The following NCK2 variants were observed in gnomAD, a reference collection of about 807,000 sequenced individuals.
The protein encoded by NCK2 is cytoplasmic protein NCK2.
NCK2 carries 16 observed loss-of-function variants against 33.9 expected under a neutral mutation model. That is an observed-to-expected ratio of 0.47 (90% CI 0.32 to 0.72). NCK2 has a LOEUF of 0.72. Among genes scored for constraint, NCK2 ranks in the 30% least tolerant of loss-of-function variants. The pLI is 0.03. For synonymous variants in NCK2, 273 were observed against 239.9 expected, an observed-to-expected ratio of 1.14 and a Z score of -1.27; for missense variants, 418 against 537.3, an observed-to-expected ratio of 0.78 and a Z score of 2.19.
chr2:105,774,921 C>G (rs1260591073), intron 1 of NCK2, among the ~76,000 whole-genome samples: 1 of 150,374 alleles, frequency 6.7e-6, no homozygotes, highest in East Asian at 1.9e-4. Flanking sequence ...AGTCCAGGCA[C>G]CGGTGGCTTA....
chr2:105,888,163 T>C (rs1298736425), intron 4 of NCK2, among the ~76,000 whole-genome samples: 1 of 152,154 alleles, frequency 6.6e-6, no homozygotes, highest in Admixed American at 6.5e-5. Context: ...CTATTAATTG[T>C]CCTTAGATTC....
At chr2:105,791,837 A>T (rs1462442105) in intron 1 of NCK2, among the ~76,000 whole-genome samples, 1 of 152,204 alleles carries the variant, frequency 6.6e-6, no homozygotes, top group East Asian at 1.9e-4. Context: ...TCTGTTGTAT[A>T]TTTAACACCC....
At chr2:105,820,365 G>A (rs1208462752) in intron 2 of NCK2, among the ~76,000 whole-genome samples, 2 of 152,218 alleles carry the variant, frequency 1.3e-5, no homozygotes, top group Non-Finnish European at 2.9e-5. Context: ...AACAGTAAGC[G>A]GGATGTCAGC....
chr2:105,830,717 T>TCTGTGTGTGTG (rs1352679713), intron 2 of NCK2, among the ~76,000 whole-genome samples: 2 of 97,706 alleles, frequency 2.0e-5, no homozygotes, highest in African/African-American at 6.3e-5. Flanking sequence ...GTGTGTGTGT[T>TCTGTGTGTGTG]TGGTCTGATA....
chr2:105,754,284 G>A (rs1001731313), intron 1 of NCK2, among the ~76,000 whole-genome samples: 3 of 152,338 alleles, frequency 2.0e-5, no homozygotes, highest in East Asian at 3.9e-4. Flanking sequence ...CCCAGCAATG[G>A]TGGGGGCAGC....
At position 105,867,249 on chromosome 2, in the gene NCK2, T is replaced by C. The variant is rs143369924; in HGVS notation, c.226+11960T>C. On this transcript the variant is annotated intron_variant, in intron 3 of 4. Transcript: ENST00000233154. Reference sequence around the variant, plus strand: ...TGTGGGTTTTCAGAGATGCATTTAATACTTCACGTTTACTTTTCATGTCTC... The same window carrying C: ...TGTGGGTTTTCAGAGATGCATTTAACACTTCACGTTTACTTTTCATGTCTC... 4.3e-3 allele frequency among the ~76,000 whole-genome samples: 648 copies of C among 152,360 alleles called. 2 individuals carry two copies. Among genetic ancestry groups the C allele is most frequent in the African/African-American group, 0.014 (589 of 41,590 alleles).
chr2:105,860,553 G>T (rs1483225827), intron 3 of NCK2, among the ~76,000 whole-genome samples: 1 of 152,150 alleles, frequency 6.6e-6, no homozygotes, highest in Admixed American at 6.5e-5. Flanking sequence ...GAGCGAGCAT[G>T]TAGTCAGAAC....
intron 3 of NCK2, among the ~76,000 whole-genome samples, chr2:105,859,572 T>C: frequency 6.6e-6 from 1 of 152,250 alleles, no homozygotes; most frequent in East Asian, 1.9e-4. Context: ...GGCTCCCTAA[T>C]GCTAACTGTG....
At chr2:105,883,342 C>T (rs995103186) in intron 4 of NCK2, among the ~76,000 whole-genome samples, 2 of 152,312 alleles carry the variant, frequency 1.3e-5, no homozygotes, top group African/African-American at 4.8e-5. Context: ...CTCAATCGAG[C>T]AGAAACTTAG....
Position 105,808,948 on chromosome 2 carries a change from C to T in NCK2, c.-200-7482C>T, listed in dbSNP as rs114313073. On this transcript the variant is annotated intron_variant, in intron 1 of 4. Transcript: ENST00000233154. ...TCTTGTGAGGGCTGGGGTGTGACTG[C>T]ATGTACAATTGTTGAGATTGGATGA... Among the ~76,000 whole-genome samples, 177 of 152,296 alleles carry T rather than the reference C, an allele frequency of 1.2e-3. 1 individual carries two copies. The highest frequency in any genetic ancestry group is 4.1e-3 in the African/African-American group (171 of 41,558).
chr2:105,818,283 T>TGGGGGAA (rs1553456874), intron 2 of NCK2, among the ~76,000 whole-genome samples: 4 of 63,344 alleles, frequency 6.3e-5, no homozygotes, highest in Admixed American at 5.8e-4. Flanking sequence ...TGTTTTGGGG[T>TGGGGGAA]GGGGGGAGGG....
intron 3 of NCK2, among the ~76,000 whole-genome samples, chr2:105,872,279 C>A (rs1432966090): frequency 6.6e-6 from 1 of 152,170 alleles, no homozygotes; most frequent in Non-Finnish European, 1.5e-5. Context: ...CCGCTACCTT[C>A]CCCCCGCCAC....
chr2:105,808,019 T>A (rs986869038), intron 1 of NCK2, among the ~76,000 whole-genome samples: 13 of 151,882 alleles, frequency 8.6e-5, no homozygotes, highest in African/African-American at 3.1e-4. Flanking sequence ...TCTCCTGCCT[T>A]AGCCTCTTGA....
At chr2:105,808,512 G>C (rs1675170140) in intron 1 of NCK2, among the ~76,000 whole-genome samples, 1 of 152,164 alleles carries the variant, frequency 6.6e-6, no homozygotes, top group African/African-American at 2.4e-5. Flanking sequence ...CTGGATCCCT[G>C]CTCTTGAGAA....
At chr2:105,819,367 A>T (rs1675637966) in intron 2 of NCK2, among the ~76,000 whole-genome samples, 1 of 152,180 alleles carries the variant, frequency 6.6e-6, no homozygotes. Context: ...GAACTTTTTA[A>T]AACAGTCATT....
At chr2:105,821,493 T>C (rs1356995769) in intron 2 of NCK2, among the ~76,000 whole-genome samples, 1 of 152,194 alleles carries the variant, frequency 6.6e-6, no homozygotes, top group Non-Finnish European at 1.5e-5. Flanking sequence ...CTGTACAGTG[T>C]ACCGAATATA....
intron 1 of NCK2, among the ~76,000 whole-genome samples, chr2:105,797,390 C>T (rs956487798): frequency 1.3e-5 from 2 of 152,138 alleles, no homozygotes; most frequent in South Asian, 2.1e-4. Context: ...GCCAGCCATG[C>T]GGTTCCATAT....
chr2:105,876,702 A>T (rs575324782), intron 3 of NCK2, among the ~76,000 whole-genome samples: 17 of 152,226 alleles, frequency 1.1e-4, no homozygotes, highest in Non-Finnish European at 5.9e-5. Context: ...TGGACTTCAA[A>T]TTGTGCTTCT....
intron 1 of NCK2, among the ~76,000 whole-genome samples, chr2:105,754,674 A>G (rs1689551260): frequency 6.6e-6 from 1 of 150,484 alleles, no homozygotes; most frequent in Non-Finnish European, 1.5e-5. Flanking sequence ...AGCTCCCCCA[A>G]CAACTTTTTT....
Sources: gnomAD v4.1 joint callset for allele counts (sites outside exome capture counted in the v4.1 genomes callset) on GRCh38, gnomAD v4.1.1 for gene constraint, MANE v1.5 for transcripts, NCBI Gene and HGNC (gene_info 2026-07-23, HGNC 2026-07-21) for gene names.